UBE2D4: variants seen among roughly 807,000 people sequenced by gnomAD.
UBE2D4 encodes the protein ubiquitin-conjugating enzyme E2 D4.
Under a neutral mutation model 23.0 loss-of-function variants are expected in UBE2D4, and 17 were observed. That is an observed-to-expected ratio of 0.74 (90% CI 0.51 to 1.11). The LOEUF (loss-of-function observed/expected upper bound fraction) is 1.11, where lower values mean the gene tolerates loss of function less well. UBE2D4 is among the 50% of genes least tolerant of loss of function. The probability of loss-of-function intolerance (pLI) is 0.00; values close to 1 mark genes in which losing one functional copy is unlikely to be tolerated. For synonymous variants in UBE2D4, 61 were observed against 69.4 expected (o/e 0.88, Z 0.60); for missense variants, 139 against 181.8 (o/e 0.76, Z 1.35).
chr7:43,950,149 C>G (rs1210893276), intron 5 of UBE2D4, among the ~76,000 whole-genome samples: 1 of 152,216 alleles, frequency 6.6e-6, no homozygotes, highest in Non-Finnish European at 1.5e-5. Flanking sequence ...AGCCACCGCA[C>G]CTGGTCCAGA....
chr7:43,928,257 T>C, intron 1 of UBE2D4: 1 of 278,746 alleles, frequency 3.6e-6, no homozygotes, highest in Non-Finnish European at 7.3e-6. Flanking sequence ...TACCTCCCAC[T>C]AGGCCCCACC....
intron 6 of UBE2D4, among the ~76,000 whole-genome samples, chr7:43,951,527 T>G (rs2132804955): frequency 1.3e-5 from 2 of 151,268 alleles, no homozygotes; most frequent in Middle Eastern, 6.9e-3. Context: ...TAGAATAGAG[T>G]ATGTTTTTCC....
intron 2 of UBE2D4, chr7:43,942,077 G>C (rs1370916227): frequency 6.5e-6 from 1 of 152,796 alleles, no homozygotes; most frequent in African/African-American, 2.4e-5. Flanking sequence ...ATACCAAGTA[G>C]ACCAGCCATG....
chr7:43,927,793 C>A (rs906120083), intron 1 of UBE2D4, among the ~76,000 whole-genome samples: 9 of 152,188 alleles, frequency 5.9e-5, no homozygotes, highest in African/African-American at 2.2e-4. Context: ...TACATGTTTA[C>A]AGAGTTGTTT....
Position 43,937,981 on chromosome 7 carries a change from C to T in UBE2D4, c.25-450C>T, listed in dbSNP as rs1039343574. On this transcript the variant is annotated intron_variant, in intron 1 of 6. Coordinates refer to ENST00000222402, the MANE Select transcript of UBE2D4 (RefSeq NM_015983.4). ...GATTAGCACTTCCTTGGTGCTGCTT[C>T]CATGCATTAATTCATTAGCCTAGCA... Among the ~76,000 whole-genome samples, 2 of 152,126 alleles carry T rather than the reference C, an allele frequency of 1.3e-5. 1 individual carries two copies. The highest frequency in any genetic ancestry group is 4.1e-4 in the South Asian group (2 of 4,824).
At chr7:43,948,554 C>T (rs925609648) in intron 4 of UBE2D4, 78 bp from the exon 5 acceptor site, 42 of 939,054 alleles carry the variant, frequency 4.5e-5, no homozygotes, top group Admixed American at 1.9e-4. Context: ...TGCCCAGCAG[C>T]AGCTGCTTCT....
At chr7:43,948,350 C>T (rs1859620) in intron 4 of UBE2D4, among the ~76,000 whole-genome samples, 2 of 152,152 alleles carry the variant, frequency 1.3e-5, no homozygotes, top group African/African-American at 2.4e-5. Flanking sequence ...TTTCCACCAC[C>T]CTTGTTATTC....
chr7:43,939,483 C>A (rs2095966286), intron 2 of UBE2D4, among the ~76,000 whole-genome samples: 1 of 152,202 alleles, frequency 6.6e-6, no homozygotes, highest in Admixed American at 6.5e-5. Flanking sequence ...TCTGGGACAC[C>A]AATCCTTCCC....
intron 4 of UBE2D4, among the ~76,000 whole-genome samples, chr7:43,947,829 A>G (rs938504198): frequency 2.0e-5 from 3 of 152,144 alleles, no homozygotes; most frequent in Admixed American, 6.5e-5. Context: ...AAGCATTCCT[A>G]TTTCTCCACA....
intron 1 of UBE2D4, among the ~76,000 whole-genome samples, chr7:43,937,148 C>A (rs1423446232): frequency 1.3e-5 from 2 of 152,182 alleles, no homozygotes; most frequent in East Asian, 3.8e-4. Context: ...GTGGGAAAAC[C>A]TTGTGAGGTG....
rs1051960930 is a variant in UBE2D4 at position 43,953,284 on chromosome 7, G to A, written c.*589G>A. The A allele has an allele frequency of 6.8e-6, 3 of 442,866 alleles. No individual in the cohort carries two copies. The highest frequency in any genetic ancestry group is 1.4e-5 in the Non-Finnish European group (3 of 220,832). The allele number at this position is 442,866 out of a possible 1,614,324, so 27.4% of individuals were successfully genotyped here. ...TCTCCTCCTGCAGTGCCACGTGGTG[G>A]CATTTCTCGCCTCACACCAAGAAGC... On this transcript the variant is annotated 3_prime_UTR_variant, in exon 7 of 7. Coordinates refer to ENST00000222402, the MANE Select transcript of UBE2D4 (RefSeq NM_015983.4).
chr7:43,940,179 T>A (rs964381349), intron 2 of UBE2D4, among the ~76,000 whole-genome samples: 4 of 152,162 alleles, frequency 2.6e-5, no homozygotes, highest in African/African-American at 9.7e-5. Flanking sequence ...AGGCTTTATG[T>A]GGGAGTTTAA....
Position 43,953,003 on chromosome 7 carries a change from C to T in UBE2D4, c.*308C>T. On this transcript the variant is annotated 3_prime_UTR_variant, in exon 7 of 7. Coordinates refer to ENST00000222402, the MANE Select transcript of UBE2D4 (RefSeq NM_015983.4). ...TGCTGGTCTCTTGGGGGGCCAGGCC[C>T]TGCACGTCTCTCCTACCCGGCCTCA... The T allele has an allele frequency of 2.5e-6, 1 of 404,434 alleles. No individual in the cohort carries two copies. Among genetic ancestry groups the T allele is most frequent in the Non-Finnish European group, 4.8e-6 (1 of 207,728 alleles). 25.1% of individuals were successfully genotyped at this position (404,434 alleles called of 1,614,324 possible).
intron 5 of UBE2D4, among the ~76,000 whole-genome samples, chr7:43,949,780 G>C (rs1009438691): frequency 6.6e-6 from 1 of 152,318 alleles, no homozygotes; most frequent in South Asian, 2.1e-4. Flanking sequence ...GCCACATTGA[G>C]TGCACATCTT....
At chr7:43,945,189 T>C (rs1301997242) in intron 4 of UBE2D4, among the ~76,000 whole-genome samples, 1 of 152,056 alleles carries the variant, frequency 6.6e-6, no homozygotes, top group East Asian at 1.9e-4. Flanking sequence ...GATGGGGTTT[T>C]GCCATGTTGG....
chr7:43,943,160 G>C, intron 4 of UBE2D4, 129 bp downstream of exon 4: 1 of 878,302 alleles, frequency 1.1e-6, no homozygotes. Flanking sequence ...GCTCCACCCT[G>C]TGGTGAGAGT....
chr7:43,937,748 A>C (rs893400235), intron 1 of UBE2D4, among the ~76,000 whole-genome samples: 7 of 152,076 alleles, frequency 4.6e-5, no homozygotes, highest in African/African-American at 1.7e-4. Context: ...AAATCAGGAG[A>C]GTTTGTGTAG....
At position 43,953,970 on chromosome 7, in the gene UBE2D4, T is replaced by C. The variant is rs189619891; in HGVS notation, c.*1275T>C. The C allele has an allele frequency of 3.9e-5, 6 of 152,320 alleles. No homozygotes were observed. Among genetic ancestry groups the C allele is most frequent in the Admixed American group, 2.0e-4 (3 of 15,302 alleles). The allele number at this position is 152,320 out of a possible 1,614,324, so 9.4% of individuals were successfully genotyped here. A position where few individuals can be genotyped will look rare whatever the true frequency, so the allele number is the denominator to read the frequency against. ...GCCAGATGGGGCTTTTGCCGGCTGA[T>C]TGAAAGGAAGTCTACAGACCTAACA... On this transcript the variant is annotated 3_prime_UTR_variant, in exon 7 of 7. Coordinates refer to ENST00000222402, the MANE Select transcript of UBE2D4 (RefSeq NM_015983.4).
intron 4 of UBE2D4, among the ~76,000 whole-genome samples, chr7:43,948,405 G>A (rs891922469): frequency 1.3e-5 from 2 of 152,182 alleles, no homozygotes; most frequent in Admixed American, 6.5e-5. Flanking sequence ...ATCCCCCTAT[G>A]TTCAGAATGA....
Sources: gnomAD v4.1 joint callset for allele counts (sites outside exome capture counted in the v4.1 genomes callset) on GRCh38, gnomAD v4.1.1 for gene constraint, MANE v1.5 for transcripts, NCBI Gene and HGNC (gene_info 2026-07-23, HGNC 2026-07-21) for gene names.